Variants in ZNF407 observed in about 807,000 individuals in gnomAD.
ZNF407 encodes the protein zinc finger protein 407.
ZNF407 carries 17 observed loss-of-function variants against 131.2 expected under a neutral mutation model. The ratio of observed to expected loss-of-function variants is 0.13; its 90% CI spans 0.09 to 0.19. The LOEUF is 0.19. ZNF407 is among the 10% of genes least tolerant of loss of function. The pLI is 1.00. For synonymous variants in ZNF407, 1,156 were observed against 1,062.0 expected (o/e 1.09, Z -1.72); for missense variants, 2,681 against 2,830.6 (o/e 0.95, Z 1.20).
chr18:74,844,624 T>C (rs1013609839), intron 4 of ZNF407, among the ~76,000 whole-genome samples: 7 of 152,128 alleles, frequency 4.6e-5, no homozygotes, highest in Admixed American at 1.3e-4. Context: ...ATAAGAAATA[T>C]TGAAAACACA....
At chr18:74,849,007 T>C (rs1970740168) in intron 4 of ZNF407, among the ~76,000 whole-genome samples, 1 of 151,930 alleles carries the variant, frequency 6.6e-6, no homozygotes. Context: ...GAATTTGGAT[T>C]CCTTCAATGC....
chr18:74,705,803 A>G (rs1333684569), intron 3 of ZNF407, among the ~76,000 whole-genome samples: 2 of 152,220 alleles, frequency 1.3e-5, no homozygotes, highest in East Asian at 3.8e-4. Context: ...TTGGTGTGAG[A>G]TGTGAACTTT....
At chr18:74,988,718 A>T (rs934736548) in intron 8 of ZNF407, among the ~76,000 whole-genome samples, 25 of 152,160 alleles carry the variant, frequency 1.6e-4, no homozygotes, top group African/African-American at 5.8e-4. Flanking sequence ...AGTAGATGAG[A>T]TGGTGTTCAA....
intron 4 of ZNF407, among the ~76,000 whole-genome samples, chr18:74,876,142 A>C (rs1177807751): frequency 6.6e-6 from 1 of 152,232 alleles, no homozygotes; most frequent in Non-Finnish European, 1.5e-5. Flanking sequence ...CCTTATTCAT[A>C]TCATAATTTA....
intron 4 of ZNF407, among the ~76,000 whole-genome samples, chr18:74,833,596 G>A (rs1011112478): frequency 1.2e-4 from 18 of 152,204 alleles, no homozygotes; most frequent in Admixed American, 3.3e-4. Flanking sequence ...GACACACAGC[G>A]CGAGGGGGAC....
rs370298369 is a variant in ZNF407, at chr18:74,634,777, C to T, written c.3758C>T (p.Thr1253Met). The T allele has an allele frequency of 2.2e-5, 35 of 1,613,840 alleles. No homozygotes were observed. Among genetic ancestry groups the T allele is most frequent in the South Asian group, 4.4e-5 (4 of 91,080 alleles). The change falls in exon 2 of 9, where the codon ACG becomes ATG. Residue 1253 changes from threonine to methionine, a missense_variant. Physicochemically the swap from Thr to Met is moderately conservative, Grantham distance 81. This residue lies in a region of ZNF407 where 1,789 missense variants were observed against 1,748.7 expected (regional missense o/e 1.02). Transcript: ENST00000299687. Reference protein sequence around the residue: ...VVPHRHLCPVTLDGERSAESP... With the variant: ...VVPHRHLCPVMLDGERSAESP... ...CCCCACAGACACCTGTGCCCTGTGA[C>T]GCTCGATGGGGAGCGCTCGGCTGAA...
chr18:74,879,807 T>G (rs1277745341), intron 5 of ZNF407, among the ~76,000 whole-genome samples: 1 of 152,204 alleles, frequency 6.6e-6, no homozygotes. Flanking sequence ...AGTATATGTG[T>G]TCGTTGAAAG....
chr18:74,768,577 T>C (rs907487781), intron 3 of ZNF407, among the ~76,000 whole-genome samples: 1 of 152,234 alleles, frequency 6.6e-6, no homozygotes, highest in Non-Finnish European at 1.5e-5. Flanking sequence ...AATTTATTAA[T>C]AGCCATAATT....
chr18:74,660,208 C>T (rs1325143037), intron 3 of ZNF407, among the ~76,000 whole-genome samples: 1 of 152,010 alleles, frequency 6.6e-6, no homozygotes, highest in Non-Finnish European at 1.5e-5. Context: ...TGCTTAACAA[C>T]CTCTAAGGTA....
intron 3 of ZNF407, among the ~76,000 whole-genome samples, chr18:74,656,914 C>A (rs943763960): frequency 2.0e-5 from 3 of 152,064 alleles, no homozygotes; most frequent in African/African-American, 7.2e-5. Context: ...TGAATAAATG[C>A]CATTGTTGTT....
chr18:75,023,704 T>A (rs1973138824), intron 8 of ZNF407, among the ~76,000 whole-genome samples: 1 of 152,220 alleles, frequency 6.6e-6, no homozygotes, highest in Admixed American at 6.5e-5. Flanking sequence ...AATCGTCAGC[T>A]ACTCTAGCTA....
intron 4 of ZNF407, among the ~76,000 whole-genome samples, chr18:74,826,393 A>G (rs1970410213): frequency 6.6e-6 from 1 of 151,978 alleles, no homozygotes; most frequent in Admixed American, 6.6e-5. Flanking sequence ...TACATGTAAT[A>G]CTCTTCTCAA....
chr18:74,709,474 A>G (rs1599087946), intron 3 of ZNF407, among the ~76,000 whole-genome samples: 2 of 152,236 alleles, frequency 1.3e-5, no homozygotes, highest in African/African-American at 4.8e-5. Context: ...TTACATGTTC[A>G]TAATATTGAT....
At chr18:75,006,896 T>C (rs1257857749) in intron 8 of ZNF407, among the ~76,000 whole-genome samples, 1 of 152,164 alleles carries the variant, frequency 6.6e-6, no homozygotes, top group African/African-American at 2.4e-5. Context: ...AGAATTCTTA[T>C]ATGTTGCTGG....
intron 8 of ZNF407, among the ~76,000 whole-genome samples, chr18:74,958,602 A>G (rs1451626938): frequency 6.6e-6 from 1 of 152,218 alleles, no homozygotes; most frequent in African/African-American, 2.4e-5. Context: ...TCCGCCATGC[A>G]TACACCTGAG....
intron 3 of ZNF407, among the ~76,000 whole-genome samples, chr18:74,773,654 T>A (rs1568209315): frequency 6.6e-6 from 1 of 152,224 alleles, no homozygotes. Flanking sequence ...TTTACAGTAA[T>A]GTATTTTGTA....
chr18:74,751,259 C>T (rs1485275167), intron 3 of ZNF407, among the ~76,000 whole-genome samples: 1 of 152,056 alleles, frequency 6.6e-6, no homozygotes, highest in Non-Finnish European at 1.5e-5. Flanking sequence ...ATTTTTGAAT[C>T]ACTTTGAATT....
At chr18:74,638,380 A>G (rs1157359538) in intron 2 of ZNF407, among the ~76,000 whole-genome samples, 1 of 152,080 alleles carries the variant, frequency 6.6e-6, no homozygotes, top group Non-Finnish European at 1.5e-5. Context: ...GAATGAATGA[A>G]TGAATGAATG....
intron 3 of ZNF407, among the ~76,000 whole-genome samples, chr18:74,671,152 C>G (rs1229226008): frequency 6.6e-6 from 1 of 152,184 alleles, no homozygotes; most frequent in Non-Finnish European, 1.5e-5. Context: ...TTTTCTTTTT[C>G]CATACATTTG....
Sources: allele counts gnomAD v4.1 joint callset (sites outside exome capture counted in the v4.1 genomes callset), GRCh38; gene constraint gnomAD v4.1.1; regional missense constraint gnomAD v4.1.1; transcripts MANE v1.5; gene names NCBI Gene and HGNC (gene_info 2026-07-23, HGNC 2026-07-21).